PLPP3: variants seen among roughly 807,000 people sequenced by gnomAD.
PLPP3 encodes the protein phospholipid phosphatase 3.
In PLPP3, 6 loss-of-function variants were observed where a neutral mutation model predicts 29.6. The observed-to-expected ratio is 0.20, with a 90% CI of 0.11 to 0.40. The LOEUF (loss-of-function observed/expected upper bound fraction) is 0.40, where lower values mean the gene tolerates loss of function less well. Among genes scored for constraint, PLPP3 ranks in the 10% least tolerant of loss-of-function variants. PLPP3 has a pLI of 1.00. For missense variants in PLPP3, 308 were observed against 407.7 expected (o/e 0.76, Z 2.11); for synonymous variants, 152 against 159.7 (o/e 0.95, Z 0.36).
chr1:56,553,433 G>T (rs1646053497), intron 1 of PLPP3, among the ~76,000 whole-genome samples: 1 of 152,160 alleles, frequency 6.6e-6, no homozygotes, highest in Non-Finnish European at 1.5e-5. Context: ...ACCTTCCCAA[G>T]GAAAAGCCTT....
At chr1:56,541,106 G>C (rs995242547) in intron 1 of PLPP3, among the ~76,000 whole-genome samples, 1 of 152,130 alleles carries the variant, frequency 6.6e-6, no homozygotes, top group East Asian at 1.9e-4. Context: ...CATATGCATA[G>C]AGTACACCAA....
At chr1:56,516,694 T>C (rs1645783307) in intron 4 of PLPP3, among the ~76,000 whole-genome samples, 1 of 151,754 alleles carries the variant, frequency 6.6e-6, no homozygotes. Context: ...CCACAGCAAC[T>C]AGATTGGAAC....
At chr1:56,572,577 G>A (rs1646207100) in intron 1 of PLPP3, among the ~76,000 whole-genome samples, 1 of 152,166 alleles carries the variant, frequency 6.6e-6, no homozygotes, top group South Asian at 2.1e-4. Flanking sequence ...AAAGGGTCAG[G>A]AAACCTGCCA....
Position 56,579,300 on chromosome 1 carries a change from G to T in PLPP3, c.-284C>A. The T allele has an allele frequency of 2.6e-6, 1 of 388,338 alleles. No homozygotes were observed. The allele number at this position is 388,338 out of a possible 1,614,324, so 24.1% of individuals were successfully genotyped here. ...CAGATCCCGAGCAGAAACTTTTGCAGAGCTGCGCAGCTTGGGGCGCGCTGT... is the reference window on the plus strand; with the variant it reads ...CAGATCCCGAGCAGAAACTTTTGCATAGCTGCGCAGCTTGGGGCGCGCTGT... On this transcript the variant is annotated 5_prime_UTR_variant, in exon 1 of 6. It adds an upstream start codon to the 5' untranslated region. Transcript: ENST00000371250.
At chr1:56,557,010 G>GAAGGAAAGAAAGAAAAGAAAGAA (rs1235067963) in intron 1 of PLPP3, among the ~76,000 whole-genome samples, 2 of 10,756 alleles carry the variant, frequency 1.9e-4, no homozygotes, top group Non-Finnish European at 5.4e-4. Context: ...AAGAAAGAAA[G>GAAGGAAAGAAAGAAAAGAAAGAA]AGAGAGAGAG....
At chr1:56,505,270 G>A (rs1236539153) in intron 5 of PLPP3, among the ~76,000 whole-genome samples, 3 of 152,160 alleles carry the variant, frequency 2.0e-5, no homozygotes, top group Non-Finnish European at 2.9e-5. Context: ...ATCATGTTAG[G>A]CATTATCATC....
chr1:56,502,164 TG>T (rs1216262972), intron 5 of PLPP3, among the ~76,000 whole-genome samples: 1 of 152,168 alleles, frequency 6.6e-6, no homozygotes, highest in Non-Finnish European at 1.5e-5. Context: ...CAGCAAATTT[TG>T]AGGGTCATTT....
At chr1:56,560,214 C>T (rs1310370930) in intron 1 of PLPP3, among the ~76,000 whole-genome samples, 1 of 152,170 alleles carries the variant, frequency 6.6e-6, no homozygotes, top group Non-Finnish European at 1.5e-5. Context: ...AGCACAGAAC[C>T]TGGTGCATTA....
intron 4 of PLPP3, among the ~76,000 whole-genome samples, chr1:56,520,705 G>A (rs1645812789): frequency 6.6e-6 from 1 of 151,814 alleles, no homozygotes; most frequent in African/African-American, 2.4e-5. Flanking sequence ...GAGGTCAGGA[G>A]TTCAAGACCA....
chr1:56,555,446 A>C (rs1452068806), intron 1 of PLPP3, among the ~76,000 whole-genome samples: 2 of 148,246 alleles, frequency 1.3e-5, no homozygotes, highest in East Asian at 3.9e-4. Context: ...AAAAAAAAAA[A>C]AAAAAAAAAA....
chr1:56,507,234 T>C (rs1000784134), intron 5 of PLPP3, among the ~76,000 whole-genome samples: 2 of 152,212 alleles, frequency 1.3e-5, no homozygotes, highest in African/African-American at 2.4e-5. Context: ...TAATGCACTG[T>C]ACCTCAGTCA....
Position 56,545,327 on chromosome 1 carries a change from G to A in PLPP3, c.140-8215C>T, listed in dbSNP as rs1464803405. ...GTACAGAGTTGATTAGGAGGACTAA[G>A]ATGTAGTTGATAAAATAAGTTATTT... is the stretch of plus-strand genomic sequence containing the variant. On this transcript the variant is annotated intron_variant, in intron 1 of 5. Transcript: ENST00000371250. Among the ~76,000 whole-genome samples the A allele has an allele frequency of 2.0e-5, 3 of 152,318 alleles. No individual in the cohort carries two copies. The East Asian group carries it at 5.8e-4, about 29-fold the overall frequency.
intron 5 of PLPP3, among the ~76,000 whole-genome samples, chr1:56,506,866 A>T (rs1645705624): frequency 6.6e-6 from 1 of 152,098 alleles, no homozygotes; most frequent in African/African-American, 2.4e-5. Context: ...GGGTCTGCCC[A>T]TGCACCTCAT....
chr1:56,553,861 C>T (rs1646056088), intron 1 of PLPP3, among the ~76,000 whole-genome samples: 1 of 152,120 alleles, frequency 6.6e-6, no homozygotes, highest in Admixed American at 6.5e-5. Context: ...AGGAATAAAA[C>T]CGAGTGTGCG....
Position 56,524,804 on chromosome 1 carries a change from GTA to G in PLPP3, c.298-252_298-251del, listed in dbSNP as rs1455344289. On this transcript the variant is annotated intron_variant, in intron 2 of 5. Coordinates refer to ENST00000371250, the MANE Select transcript of PLPP3 (RefSeq NM_003713.5). The surrounding 1 kb of genome is among the most constrained non-coding windows in gnomAD (Gnocchi z 4.3). ...CAAATATATTTATATGTATATATGTGTATGTGTGTGTGTGTGTGTGTGTGTGT... is the reference window on the plus strand; with the variant it reads ...CAAATATATTTATATGTATATATGTGTGTGTGTGTGTGTGTGTGTGTGTGT... Among the ~76,000 whole-genome samples the G allele has an allele frequency of 2.2e-3, 277 of 127,330 alleles. No individual in the cohort carries two copies. The highest frequency in any genetic ancestry group is 8.3e-3 in the African/African-American group (267 of 32,296). The allele number at this position is 127,330 out of a possible 152,430, so 83.5% of individuals were successfully genotyped here. A position where few individuals can be genotyped will look rare whatever the true frequency, so the allele number is the denominator to read the frequency against.
At chr1:56,516,064 T>C (rs1350535860) in intron 4 of PLPP3, among the ~76,000 whole-genome samples, 1 of 152,188 alleles carries the variant, frequency 6.6e-6, no homozygotes, top group Non-Finnish European at 1.5e-5. Context: ...AAGTAAGTTT[T>C]GGTGAAACTT....
intron 4 of PLPP3, among the ~76,000 whole-genome samples, 198 bp downstream of exon 4, chr1:56,523,625 G>A (rs1645833581): frequency 6.6e-6 from 1 of 152,130 alleles, no homozygotes; most frequent in South Asian, 2.1e-4. Flanking sequence ...TTTGAAAAAT[G>A]GGGGAAAAAA....
At chr1:56,564,954 G>T (rs1240614777) in intron 1 of PLPP3, among the ~76,000 whole-genome samples, 1 of 128,896 alleles carries the variant, frequency 7.8e-6, no homozygotes, top group Non-Finnish European at 1.5e-5. Context: ...GATCATATGT[G>T]TGTGCACTTG....
At chr1:56,570,598 C>A (rs948744864) in intron 1 of PLPP3, among the ~76,000 whole-genome samples, 1 of 152,188 alleles carries the variant, frequency 6.6e-6, no homozygotes, top group African/African-American at 2.4e-5. Context: ...AATAATTTCA[C>A]AAGGATGTTC....
Sources: gnomAD v4.1 joint callset for allele counts (sites outside exome capture counted in the v4.1 genomes callset) on GRCh38, gnomAD v4.1.1 for gene constraint, Gnocchi (gnomAD v3.1) non-coding constraint, MANE v1.5 for transcripts, NCBI Gene and HGNC (gene_info 2026-07-23, HGNC 2026-07-21) for gene names.